The following ARMC6 variants were observed in gnomAD, a reference collection of about 807,000 sequenced individuals.
ARMC6 encodes armadillo repeat-containing protein 6.
ARMC6 carries 43 observed loss-of-function variants against 49.2 expected under a neutral mutation model. That is an observed-to-expected ratio of 0.87 (90% CI 0.69 to 1.13). The LOEUF (loss-of-function observed/expected upper bound fraction) is 1.13. ARMC6 is among the 50% of genes most tolerant of loss of function. ARMC6 has a pLI of 0.00. For synonymous variants in ARMC6, 262 were observed against 289.6 expected (o/e 0.90, Z 0.97); for missense variants, 627 against 682.0 (o/e 0.92, Z 0.90).
intron 4 of ARMC6, among the ~76,000 whole-genome samples, chr19:19,048,203 G>A (rs569908970): frequency 2.6e-5 from 4 of 152,152 alleles, no homozygotes; most frequent in South Asian, 2.1e-4. Flanking sequence ...AAAATTAACC[G>A]GGCATGGTGG....
chr19:19,037,723 C>G (rs2059382223), intron 2 of ARMC6: 1 of 1,125,688 alleles, frequency 8.9e-7, no homozygotes, highest in South Asian at 1.7e-5. Flanking sequence ...TATATTGAAA[C>G]AATTAAAATT....
At chr19:19,051,587 T>A in intron 4 of ARMC6, 35 bp from the exon 5 acceptor site, 1 of 1,548,106 alleles carries the variant, frequency 6.5e-7, no homozygotes, top group Non-Finnish European at 8.7e-7. Context: ...TCCTCTTGCC[T>A]GAGCTGATGC....
At chr19:19,052,565 T>G (rs987432916) in intron 5 of ARMC6, among the ~76,000 whole-genome samples, 1 of 152,170 alleles carries the variant, frequency 6.6e-6, no homozygotes, top group Non-Finnish European at 1.5e-5. Context: ...CTCAGCTGGA[T>G]GTGTACACGC....
intron 4 of ARMC6, among the ~76,000 whole-genome samples, chr19:19,044,286 A>T (rs915505862): frequency 1.8e-4 from 28 of 152,238 alleles, no homozygotes; most frequent in African/African-American, 6.5e-4. Flanking sequence ...CTGTGGTGGC[A>T]TGTATGCTGA....
At position 19,057,502 on chromosome 19, in the gene ARMC6, C is replaced by T. The variant is rs1434488460; in HGVS notation, c.1380C>T (p.Leu460=). The part of the protein sequence containing the change: ...KPILDLGAEA[L]IMQARSAHRD... ...TCCTGGACCTGGGGGCTGAGGCACT[C>T]ATCATGCAGGCCCGATCTGCCCACC... is the stretch of plus-strand genomic sequence containing the variant. The change falls in exon 9 of 9, where the codon CTC becomes CTT. Residue 460 remains leucine, a synonymous_variant. Transcript: ENST00000535612. 1.9e-6 allele frequency: 3 copies of T among 1,613,986 alleles called. No individual in the cohort carries two copies. Among genetic ancestry groups the T allele is most frequent in the Non-Finnish European group, 2.5e-6 (3 of 1,180,032 alleles).
chr19:19,054,058 TG>T, intron 5 of ARMC6, 93 bp from the exon 6 acceptor site: 1 of 1,334,132 alleles, frequency 7.5e-7, no homozygotes, highest in Non-Finnish European at 1.0e-6. Context: ...GCAGAAGGGC[TG>T]GACTCTTCCA....
Position 19,051,417 on chromosome 19 carries a change from C to G in ARMC6, c.280-205C>G, listed in dbSNP as rs867020557. On this transcript the variant is annotated intron_variant, in intron 4 of 8. Transcript: ENST00000535612. The stretch of plus-strand genomic sequence containing the variant: ...TGTGTGTGTGTGTGTGTGTGTGTGT[C>G]AGTCTTCCACGCTATGGCCTCTGAA... 7.5e-3 allele frequency among the ~76,000 whole-genome samples: 742 copies of G among 99,162 alleles called. 7 individuals are homozygous for G. The highest frequency in any genetic ancestry group is 0.035 in the Middle Eastern group (6 of 172). 65.1% of individuals were successfully genotyped at this position (99,162 alleles called of 152,430 possible). A position where few individuals can be genotyped will look rare whatever the true frequency, so the allele number is the denominator to read the frequency against.
chr19:19,056,487 C>T (rs1307849074), intron 8 of ARMC6, among the ~76,000 whole-genome samples: 1 of 152,168 alleles, frequency 6.6e-6, no homozygotes, highest in Non-Finnish European at 1.5e-5. Flanking sequence ...GTCTCGAACT[C>T]CTGACTTCAG....
Position 19,057,731 on chromosome 19 carries a change from C to T in ARMC6, c.*103C>T, listed in dbSNP as rs1045148460. The T allele has an allele frequency of 7.8e-6, 9 of 1,155,126 alleles. No individual in the cohort carries two copies. The highest frequency in any genetic ancestry group is 7.4e-5 in the South Asian group (6 of 81,522). The allele number at this position is 1,155,126 out of a possible 1,614,324, so 71.6% of individuals were successfully genotyped here. A position where few individuals can be genotyped will look rare whatever the true frequency, so the allele number is the denominator to read the frequency against. ...TCCCCCATTAGTTCTGTCCCCTTCACAATGAGAAGTGTTTTCTGGCAGGCC... is the reference window on the plus strand; with the variant it reads ...TCCCCCATTAGTTCTGTCCCCTTCATAATGAGAAGTGTTTTCTGGCAGGCC... On this transcript the variant is annotated 3_prime_UTR_variant, in exon 9 of 9. Transcript: ENST00000535612.
intron 4 of ARMC6, among the ~76,000 whole-genome samples, chr19:19,049,176 C>G (rs2059476570): frequency 1.3e-5 from 2 of 151,786 alleles, no homozygotes; most frequent in Non-Finnish European, 2.9e-5. Flanking sequence ...CCTCAGCCTC[C>G]CATGTAGCTG....
chr19:19,052,091 C>G lies in ARMC6; in HGVS notation c.749C>G (p.Thr250Ser). 1 of 1,613,942 alleles carries G rather than the reference C, an allele frequency of 6.2e-7. No individual in the cohort carries two copies. The highest frequency in any genetic ancestry group is 8.5e-7 in the Non-Finnish European group (1 of 1,180,048). The change falls in exon 5 of 9, where the codon ACC becomes AGC. Residue 250 changes from threonine to serine, a missense_variant. Transcript: ENST00000535612. ...REACWALRVM[T>S]FDDDIRVPFG... ...GCCTGCTGGGCCCTGCGTGTCATGA[C>G]CTTCGATGACGACATCCGTGTGCCC... is the stretch of plus-strand genomic sequence containing the variant.
At chr19:19,053,643 G>C (rs890725328) in intron 5 of ARMC6, among the ~76,000 whole-genome samples, 2 of 152,168 alleles carry the variant, frequency 1.3e-5, no homozygotes, top group Non-Finnish European at 2.9e-5. Flanking sequence ...GCCCTGTGTA[G>C]GTGCAGGATC....
In ARMC6 at chr19:19,057,671, A is replaced by C. The variant is rs751415177; in HGVS notation, c.*43A>C. On this transcript the variant is annotated 3_prime_UTR_variant, in exon 9 of 9. Transcript: ENST00000535612. Reference sequence around the variant, plus strand: ...GCCGTGACTCTGGGTGAGTCGTGTGACTCAGGAATGGGGGTAGATCCATGT... The same window carrying C: ...GCCGTGACTCTGGGTGAGTCGTGTGCCTCAGGAATGGGGGTAGATCCATGT... 2.5e-6 allele frequency: 4 copies of C among 1,574,888 alleles called. No homozygotes were observed. The highest frequency in any genetic ancestry group is 2.2e-5 in the East Asian group (1 of 44,560).
At chr19:19,051,373 CTCTGTGTGTGTGTG>C (rs1352913433) in intron 4 of ARMC6, among the ~76,000 whole-genome samples, 18 of 115,162 alleles carry the variant, frequency 1.6e-4, no homozygotes, top group Non-Finnish European at 1.8e-4. Context: ...CTCTCTCTCT[CTCTGTGTGTGTGTG>C]TGTGTGTGTG....
At chr19:19,042,473 C>T (rs972010419) in intron 2 of ARMC6, among the ~76,000 whole-genome samples, 3 of 152,200 alleles carry the variant, frequency 2.0e-5, no homozygotes, top group Non-Finnish European at 4.4e-5. Flanking sequence ...CTCGGCCTCT[C>T]AGAGTGCCGG....
chr19:19,050,176 G>GT (rs1386232065), intron 4 of ARMC6, among the ~76,000 whole-genome samples: 1 of 151,956 alleles, frequency 6.6e-6, no homozygotes, highest in Non-Finnish European at 1.5e-5. Context: ...TTGTTTGTTT[G>GT]TTTTTCTTTT....
Position 19,042,885 on chromosome 19 carries a change from G to A in ARMC6, c.196+8G>A, listed in dbSNP as rs771901105. The A allele has an allele frequency of 1.5e-5, 25 of 1,613,414 alleles. No homozygotes were observed. Among genetic ancestry groups the A allele is most frequent in the Non-Finnish European group, 2.0e-5 (24 of 1,179,924 alleles). The stretch of plus-strand genomic sequence containing the variant: ...AGCAGTTTGAATCGCAAGGTAGGGT[G>A]GTGTGACTGTCACCTACCATCCTTG... On this transcript the variant is annotated splice_region_variant and intron_variant, in intron 3 of 8. Coordinates refer to ENST00000535612, the MANE Select transcript of ARMC6 (RefSeq NM_001199196.2).
At chr19:19,040,573 C>T (rs2059404255) in intron 2 of ARMC6, 1 of 237,900 alleles carries the variant, frequency 4.2e-6, no homozygotes, top group Non-Finnish European at 8.8e-6. Context: ...GCCACCACTC[C>T]CTGCCAAGAG....
At chr19:19,037,990 A>G (rs1032205211) in intron 2 of ARMC6, among the ~76,000 whole-genome samples, 4 of 152,006 alleles carry the variant, frequency 2.6e-5, no homozygotes, top group Non-Finnish European at 5.9e-5. Context: ...ATTTACAGCA[A>G]CTCCCCATCA....
Sources: gnomAD v4.1 joint callset for allele counts (sites outside exome capture counted in the v4.1 genomes callset) on GRCh38, gnomAD v4.1.1 for gene constraint, MANE v1.5 for transcripts, NCBI Gene and HGNC (gene_info 2026-07-23, HGNC 2026-07-21) for gene names.